Variants in SLC25A21 observed in about 807,000 individuals in gnomAD.
The protein encoded by SLC25A21 is mitochondrial 2-oxodicarboxylate carrier.
SLC25A21 carries 47 observed loss-of-function variants against 43.8 expected under a neutral mutation model. That is an observed-to-expected ratio of 1.07 (90% confidence interval 0.85 to 1.37). SLC25A21 has a LOEUF of 1.37. SLC25A21 is among the 40% of genes most tolerant of loss of function. SLC25A21 has a pLI of 0.00. For synonymous variants in SLC25A21, 131 were observed against 121.3 expected (o/e 1.08, Z -0.52); for missense variants, 352 against 350.2 (o/e 1.00, Z -0.04).
At chr14:37,154,718 C>T (rs1380447087) in intron 1 of SLC25A21, among the ~76,000 whole-genome samples, 1 of 151,342 alleles carries the variant, frequency 6.6e-6, no homozygotes, top group East Asian at 1.9e-4. Context: ...TCTCAGCTCA[C>T]TGTAACTTCC....
intron 2 of SLC25A21, among the ~76,000 whole-genome samples, chr14:36,859,740 T>G (rs1414300449): frequency 1.3e-5 from 2 of 152,170 alleles, no homozygotes; most frequent in African/African-American, 4.8e-5. Context: ...TTAGGCTTTA[T>G]AAAATGCCCA....
chr14:36,779,522 T>C (rs1197173023), intron 3 of SLC25A21, among the ~76,000 whole-genome samples: 2 of 142,722 alleles, frequency 1.4e-5, no homozygotes, highest in Non-Finnish European at 3.1e-5. Context: ...AGAATAAACA[T>C]ATTCCTATAT....
intron 1 of SLC25A21, among the ~76,000 whole-genome samples, chr14:37,063,393 G>A (rs907487566): frequency 1.3e-5 from 2 of 151,990 alleles, no homozygotes; most frequent in Admixed American, 6.6e-5. Flanking sequence ...TCAGCTATTC[G>A]GGAGGCTGAG....
chr14:37,146,996 C>A (rs1270940845), intron 1 of SLC25A21, among the ~76,000 whole-genome samples: 2 of 152,188 alleles, frequency 1.3e-5, no homozygotes, highest in African/African-American at 4.8e-5. Flanking sequence ...CTGGTTTGCA[C>A]TTGCCCTTTG....
intron 1 of SLC25A21, among the ~76,000 whole-genome samples, chr14:37,131,340 G>A (rs1963388530): frequency 6.6e-6 from 1 of 152,080 alleles, no homozygotes; most frequent in Admixed American, 6.6e-5. Flanking sequence ...TCATCTTATC[G>A]GGTCCGTTTG....
intron 1 of SLC25A21, among the ~76,000 whole-genome samples, chr14:36,928,436 T>G (rs377317501): frequency 0.028 from 1,100 of 39,910 alleles, 17 homozygotes; most frequent in African/African-American, 0.061. Flanking sequence ...AGTAGAGTGA[T>G]TTTTTTTTTG....
At chr14:36,798,041 T>G (rs759723311) in intron 3 of SLC25A21, among the ~76,000 whole-genome samples, 29 of 152,188 alleles carry the variant, frequency 1.9e-4, no homozygotes, top group Non-Finnish European at 4.0e-4. Flanking sequence ...GTTGAAATCC[T>G]AAATAAATGA....
intron 1 of SLC25A21, among the ~76,000 whole-genome samples, chr14:37,119,250 G>T (rs1310253773): frequency 6.6e-6 from 1 of 152,058 alleles, no homozygotes; most frequent in African/African-American, 2.4e-5. Context: ...GCTTAGCATA[G>T]AATCAAGAAA....
intron 1 of SLC25A21, among the ~76,000 whole-genome samples, chr14:37,039,627 T>C (rs997616980): frequency 1.3e-5 from 2 of 152,226 alleles, no homozygotes; most frequent in Non-Finnish European, 2.9e-5. Flanking sequence ...TTTCATTGTA[T>C]GGATGTGTCT....
intron 2 of SLC25A21, among the ~76,000 whole-genome samples, chr14:36,840,000 G>C (rs1415793814): frequency 6.6e-6 from 1 of 152,122 alleles, no homozygotes; most frequent in Non-Finnish European, 1.5e-5. Flanking sequence ...CTCACTTCTG[G>C]GAGGTGGTCA....
chr14:37,143,161 A>G (rs1286257288), intron 1 of SLC25A21, among the ~76,000 whole-genome samples: 2 of 152,228 alleles, frequency 1.3e-5, no homozygotes, highest in African/African-American at 2.4e-5. Flanking sequence ...AAAGTTTTAC[A>G]TACTGAGATT....
intron 1 of SLC25A21, among the ~76,000 whole-genome samples, chr14:37,009,505 G>A (rs893884103): frequency 1.3e-5 from 2 of 152,052 alleles, no homozygotes; most frequent in African/African-American, 4.8e-5. Flanking sequence ...AAAGAACTTA[G>A]ATAGCTTGGT....
At chr14:36,685,389 C>T (rs17105036) in intron 7 of SLC25A21, among the ~76,000 whole-genome samples, 5,501 of 152,256 alleles carry the variant, frequency 0.036, 243 homozygotes, top group East Asian at 0.24. Context: ...AGGCTACTCG[C>T]GGTCTGCTGC....
intron 1 of SLC25A21, among the ~76,000 whole-genome samples, chr14:37,113,853 C>CAAAA (rs34321762): frequency 0.01 from 1,214 of 119,234 alleles, 25 homozygotes; most frequent in African/African-American, 0.037. Context: ...GACTCTGTCT[C>CAAAA]AAAAAAAAAA....
At chr14:37,083,579 C>T (rs1243705856) in intron 1 of SLC25A21, among the ~76,000 whole-genome samples, 1 of 152,164 alleles carries the variant, frequency 6.6e-6, no homozygotes, top group Non-Finnish European at 1.5e-5. Flanking sequence ...TGCCCAAGGC[C>T]ACCCAGTCAA....
intron 1 of SLC25A21, among the ~76,000 whole-genome samples, chr14:37,160,314 C>T (rs911509292): frequency 1.1e-4 from 16 of 152,124 alleles, no homozygotes; most frequent in African/African-American, 3.4e-4. Context: ...TGGAATCAAC[C>T]AAAGTGCCCA....
chr14:37,056,383 G>A (rs1325612414), intron 1 of SLC25A21, among the ~76,000 whole-genome samples: 5 of 151,728 alleles, frequency 3.3e-5, no homozygotes, highest in African/African-American at 9.7e-5. Flanking sequence ...CCAGCTACTC[G>A]GGAGGCTGAG....
chr14:36,859,775 T>C (rs1429962477), intron 2 of SLC25A21, among the ~76,000 whole-genome samples: 1 of 152,100 alleles, frequency 6.6e-6, no homozygotes. Context: ...CAAAGAAATA[T>C]AAGAAAAAAA....
At chr14:37,121,147 A>T (rs1963200500) in intron 1 of SLC25A21, among the ~76,000 whole-genome samples, 1 of 152,226 alleles carries the variant, frequency 6.6e-6, no homozygotes. Flanking sequence ...AACTTGCGCC[A>T]GGCAAAAAGC....
Sources: gnomAD v4.1 joint callset for allele counts (sites outside exome capture counted in the v4.1 genomes callset) on GRCh38, gnomAD v4.1.1 for gene constraint, MANE v1.5 for transcripts, NCBI Gene and HGNC (gene_info 2026-07-23, HGNC 2026-07-21) for gene names.